The following BRD8 variants were observed in gnomAD, a reference collection of about 807,000 sequenced individuals.
The protein encoded by BRD8 is bromodomain containing 8.
BRD8 carries 67 observed loss-of-function variants against 143.1 expected under a neutral mutation model. The observed-to-expected ratio is 0.47, with a 90% CI of 0.38 to 0.57. The LOEUF is 0.57. BRD8 is among the 20% of genes least tolerant of loss of function. BRD8 has a pLI of 0.00. For synonymous variants in BRD8, 505 were observed against 517.1 expected, an observed-to-expected ratio of 0.98 and a Z score of 0.32; for missense variants, 1,103 against 1,503.0, an observed-to-expected ratio of 0.73 and a Z score of 4.40.
chr5:138,148,241 T>G (rs979233388), intron 23 of BRD8, among the ~76,000 whole-genome samples: 1 of 151,928 alleles, frequency 6.6e-6, no homozygotes, highest in African/African-American at 2.4e-5. Context: ...GAATTTGTGT[T>G]TGGCCACATT....
At chr5:138,142,314 C>T (rs1751940448) in intron 25 of BRD8, among the ~76,000 whole-genome samples, 1 of 152,160 alleles carries the variant, frequency 6.6e-6, no homozygotes, top group Admixed American at 6.6e-5. Flanking sequence ...AGAACCAAAA[C>T]AAAGAAACAT....
chr5:138,160,359 C>T (rs1752913087), intron 18 of BRD8, among the ~76,000 whole-genome samples, 186 bp from the exon 19 acceptor site: 1 of 152,176 alleles, frequency 6.6e-6, no homozygotes, highest in Non-Finnish European at 1.5e-5. Context: ...AAGAATCAAG[C>T]AGCCCTAACT....
chr5:138,162,941 C>T (rs960240839), intron 15 of BRD8, among the ~76,000 whole-genome samples, 189 bp downstream of exon 15: 1 of 151,448 alleles, frequency 6.6e-6, no homozygotes, highest in Admixed American at 6.6e-5. Context: ...GTGGAGGTTG[C>T]AGTGAGCTGA....
chr5:138,143,711 CA>C (rs746401528), intron 25 of BRD8, among the ~76,000 whole-genome samples: 4 of 151,892 alleles, frequency 2.6e-5, no homozygotes, highest in Non-Finnish European at 4.4e-5. Context: ...ATGCACCAAT[CA>C]GCGCTCTGTG....
chr5:138,149,696 G>T lies in BRD8; in HGVS notation c.3222C>A (p.Asn1074Lys). The T allele has an allele frequency of 6.2e-7, 1 of 1,613,746 alleles. No homozygotes were observed. Among genetic ancestry groups the T allele is most frequent in the African/African-American group, 1.3e-5 (1 of 74,994 alleles). ...TATCCACCAAGGGAGTCTCCTTAAT[G>T]TTAAAGGCATCATCACACTCGCCTG... ...PPSGECDDAF[N>K]IKETPLVDTL... The change falls in exon 23 of 27, where the codon AAC (asparagine) becomes AAA (lysine). Residue 1074 changes from asparagine to lysine, a missense_variant. Asn to Lys is a moderately conservative substitution (Grantham distance 94, BLOSUM62 0). This residue lies in a region of BRD8 where 369 missense variants were observed against 445.5 expected (regional missense o/e 0.83). Coordinates refer to ENST00000254900, the MANE Select transcript of BRD8 (RefSeq NM_139199.2).
Position 138,149,703 on chromosome 5 carries a change from G to C in BRD8, c.3215C>G (p.Ala1072Gly), listed in dbSNP as rs1490498623. 1 of 1,613,620 alleles carries C rather than the reference G, an allele frequency of 6.2e-7. No individual in the cohort carries two copies. The highest frequency in any genetic ancestry group is 8.5e-7 in the Non-Finnish European group (1 of 1,179,856). The change falls in exon 23 of 27, where the codon GCC becomes GGC. Residue 1072 changes from alanine (A) to glycine (G), a missense_variant. Physicochemically the swap from Ala to Gly is moderately conservative, Grantham distance 60. Around this residue, in one of 7 missense-constraint regions of BRD8, gnomAD observed 369 missense variants for 445.5 expected, o/e 0.83. Transcript: ENST00000254900. ...CAAGGGAGTCTCCTTAATGTTAAAG[G>C]CATCATCACACTCGCCTGAAGGGGG... ...DQPPSGECDD[A>G]FNIKETPLVD... is the part of the protein sequence containing the mutation.
In BRD8 at chr5:138,150,935, G is replaced by A; in HGVS notation, c.2930C>T (p.Thr977Ile). The change falls in exon 22 of 27, where the codon ACC becomes ATC. Residue 977 changes from threonine (T) to isoleucine (I), a missense_variant. Physicochemically the swap from Thr to Ile is moderately conservative, Grantham distance 89. Around this residue, in one of 7 missense-constraint regions of BRD8, gnomAD observed 369 missense variants for 445.5 expected, o/e 0.83. Coordinates refer to ENST00000254900, the MANE Select transcript of BRD8 (RefSeq NM_139199.2). Reference protein sequence around the residue: ...SSEGCCPPSGTRQEGREIKAS... With the variant: ...SSEGCCPPSGIRQEGREIKAS... ...TTTAATTTCCCTTCCTTCTTGTCTG[G>A]TACCAGATGGAGGGCAGCAGCCTTC... 6.2e-7 allele frequency: 1 copy of A among 1,614,036 alleles called. No homozygotes were observed. Among genetic ancestry groups the A allele is most frequent in the Non-Finnish European group, 8.5e-7 (1 of 1,180,020 alleles).
chr5:138,160,741 A>T (rs559557666), intron 18 of BRD8, 150 bp downstream of exon 18: 1 of 663,678 alleles, frequency 1.5e-6, no homozygotes, highest in African/African-American at 1.9e-5. Flanking sequence ...AAAGAAAATA[A>T]AAGTAAGAAC....
Position 138,166,561 on chromosome 5 carries a change from TG to T in BRD8, c.953del (p.Pro318HisfsTer13). ...TAGTGGAGACAGCCGGAGCAGAGGA[TG>T]GTGCTGGCAGCGCAGGCATCATGAC... ...TIVMMPALPA[P>X]SSAPAVSTTE... is the part of the protein sequence containing the mutation. On this transcript the variant is annotated frameshift_variant, in exon 10 of 27. Transcript: ENST00000254900. LOFTEE classifies it high-confidence loss of function. 1 of 1,614,002 alleles carries T rather than the reference TG, an allele frequency of 6.2e-7. No individual in the cohort carries two copies. Among genetic ancestry groups the T allele is most frequent in the East Asian group, 2.2e-5 (1 of 44,878 alleles).
intron 2 of BRD8, among the ~76,000 whole-genome samples, chr5:138,175,592 C>A (rs1453261895): frequency 6.6e-6 from 1 of 151,468 alleles, no homozygotes; most frequent in African/African-American, 2.4e-5. Flanking sequence ...GTATTCCCAA[C>A]TACTCAGGAT....
intron 11 of BRD8, 38 bp downstream of exon 11, chr5:138,165,790 G>C: frequency 6.3e-7 from 1 of 1,585,562 alleles, no homozygotes; most frequent in Non-Finnish European, 8.6e-7. Context: ...GCCTATGTAG[G>C]ACCCATGAGA....
intron 2 of BRD8, chr5:138,172,763 G>A (rs1304881200): frequency 2.3e-6 from 1 of 435,236 alleles, no homozygotes; most frequent in Non-Finnish European, 4.6e-6. Context: ...GAGGTAGGAG[G>A]ATCCCTTGAG....
At chr5:138,157,128 T>A in intron 20 of BRD8, 1 of 1,598,564 alleles carries the variant, frequency 6.3e-7, no homozygotes, top group Non-Finnish European at 8.5e-7. Context: ...CTTCCACCTC[T>A]GGAACTGGGC....
chr5:138,157,151 G>A, intron 20 of BRD8: 1 of 1,606,092 alleles, frequency 6.2e-7, no homozygotes, highest in Non-Finnish European at 8.5e-7. Context: ...GCAAGCCCAA[G>A]CTCTATCTTG....
intron 25 of BRD8, among the ~76,000 whole-genome samples, chr5:138,144,514 A>G (rs1015018622): frequency 5.9e-5 from 9 of 152,214 alleles, no homozygotes; most frequent in African/African-American, 1.9e-4. Context: ...GTGCCTTACT[A>G]TACCTATAAC....
At chr5:138,168,772 T>C in intron 8 of BRD8, 1 of 721,720 alleles carries the variant, frequency 1.4e-6, no homozygotes, top group Non-Finnish European at 2.4e-6. Flanking sequence ...TGTGTCTAAC[T>C]ATTATTTTAT....
intron 20 of BRD8, among the ~76,000 whole-genome samples, chr5:138,156,175 T>C (rs920725984): frequency 2.0e-5 from 3 of 150,856 alleles, no homozygotes; most frequent in Non-Finnish European, 3.0e-5. Flanking sequence ...AATCTTGCTC[T>C]GTTGCCCAGG....
intron 8 of BRD8, chr5:138,168,480 C>T (rs1245280641): frequency 6.2e-7 from 1 of 1,605,282 alleles, no homozygotes; most frequent in Admixed American, 1.7e-5. Flanking sequence ...CAGTCTGGGG[C>T]TAGTAGGCAG....
At chr5:138,152,859 A>G in intron 20 of BRD8, 99 bp from the exon 21 acceptor site, 1 of 1,230,524 alleles carries the variant, frequency 8.1e-7, no homozygotes, top group South Asian at 1.5e-5. Flanking sequence ...GGGGCCAGAA[A>G]TTTATTTGTA....
Sources: gnomAD v4.1 joint callset for allele counts (sites outside exome capture counted in the v4.1 genomes callset) on GRCh38, gnomAD v4.1.1 for gene constraint, gnomAD v4.1.1 regional missense constraint, MANE v1.5 for transcripts, NCBI Gene and HGNC (gene_info 2026-07-23, HGNC 2026-07-21) for gene names.